OR3A2: variants seen among roughly 807,000 people sequenced by gnomAD.
OR3A2 encodes the protein olfactory receptor 3A2.
For missense variants in OR3A2, 318 were observed against 392.8 expected (o/e 0.81, Z 1.61); for synonymous variants, 126 against 159.3 (o/e 0.79, Z 1.57).
chr17:3,295,179 G>A (rs564592940), intron 3 of OR3A2, among the ~76,000 whole-genome samples: 2 of 152,122 alleles, frequency 1.3e-5, no homozygotes, highest in Admixed American at 1.3e-4. Flanking sequence ...GAGATAGGAG[G>A]ACGTATGTGT....
chr17:3,291,645 G>A, intron 3 of OR3A2: 1 of 1,597,066 alleles, frequency 6.3e-7, no homozygotes, highest in Non-Finnish European at 8.6e-7. Context: ...TCAAGCCAGT[G>A]ACCGCCTCCC....
At chr17:3,329,130 T>G (rs1021320397) in intron 3 of OR3A2, among the ~76,000 whole-genome samples, 1 of 151,878 alleles carries the variant, frequency 6.6e-6, no homozygotes, top group African/African-American at 2.4e-5. Context: ...TTATTGAGGA[T>G]TTTTGCATCA....
intron 3 of OR3A2, chr17:3,310,846 A>T: frequency 9.6e-7 from 1 of 1,036,836 alleles, no homozygotes; most frequent in Non-Finnish European, 1.4e-6. Context: ...GTGATCAATC[A>T]CTTCTACTGT....
intron 3 of OR3A2, among the ~76,000 whole-genome samples, chr17:3,300,007 G>A (rs2048949569): frequency 6.6e-6 from 1 of 151,902 alleles, no homozygotes; most frequent in Non-Finnish European, 1.5e-5. Context: ...CCACTTTGCA[G>A]AGGAGGAATT....
intron 2 of OR3A2, among the ~76,000 whole-genome samples, chr17:3,345,155 A>G (rs1003686721): frequency 4.6e-5 from 7 of 152,216 alleles, no homozygotes; most frequent in Non-Finnish European, 1.0e-4. Context: ...TAGGTAGGAC[A>G]ATAAATTCAG....
intron 2 of OR3A2, among the ~76,000 whole-genome samples, chr17:3,377,131 T>G (rs2049691819): frequency 6.6e-6 from 1 of 152,198 alleles, no homozygotes; most frequent in Non-Finnish European, 1.5e-5. Context: ...ATGTGAATTC[T>G]TTTGGTTTTG....
intron 2 of OR3A2, among the ~76,000 whole-genome samples, chr17:3,368,573 T>C (rs1297180994): frequency 6.6e-6 from 1 of 152,194 alleles, no homozygotes; most frequent in Non-Finnish European, 1.5e-5. Flanking sequence ...CTGGGTTCTC[T>C]TTTATGTTCC....
intron 3 of OR3A2, among the ~76,000 whole-genome samples, chr17:3,322,999 G>C (rs1187506899): frequency 6.6e-6 from 1 of 152,114 alleles, no homozygotes; most frequent in Non-Finnish European, 1.5e-5. Flanking sequence ...TATTGTGTGG[G>C]AGTCTAAGTC....
At chr17:3,318,375 C>A (rs1449220758) in intron 3 of OR3A2, among the ~76,000 whole-genome samples, 1 of 152,164 alleles carries the variant, frequency 6.6e-6, no homozygotes, top group East Asian at 1.9e-4. Context: ...TGGGGGAGTT[C>A]AGTACTTTTG....
intron 3 of OR3A2, among the ~76,000 whole-genome samples, chr17:3,290,273 T>A (rs921206696): frequency 6.6e-6 from 1 of 152,136 alleles, no homozygotes; most frequent in Non-Finnish European, 1.5e-5. Context: ...ATGCCCCCGC[T>A]TTCTTCCTCT....
rs143045912 is a variant in OR3A2, at chr17:3,347,392, C to T, written c.-178-11266G>A. ...TATATCTCCCAATGCTATCCCTCCCCTCTCCCCCGGCCCCACAACAGTCCC... is the reference window on the plus strand; with the variant it reads ...TATATCTCCCAATGCTATCCCTCCCTTCTCCCCCGGCCCCACAACAGTCCC... On this transcript the variant is annotated intron_variant, in intron 2 of 4. Coordinates refer to the OR3A2 transcript ENST00000573491. Among the ~76,000 whole-genome samples the T allele has an allele frequency of 5.6e-3, 855 of 152,262 alleles. 42 individuals carry two copies. In the East Asian group the frequency reaches 0.12, roughly 21 times the overall value.
chr17:3,277,815 A>G, exon 2 of OR3A2: 2 of 778,450 alleles, frequency 2.6e-6, no homozygotes, highest in Admixed American at 2.5e-5. Context: ...TGAATAAATT[A>G]TGTAGGGTTT....
intron 3 of OR3A2, among the ~76,000 whole-genome samples, chr17:3,299,198 G>T (rs1177715729): frequency 6.6e-6 from 1 of 152,202 alleles, no homozygotes; most frequent in African/African-American, 2.4e-5. Flanking sequence ...TCCAGACAGA[G>T]CGTTGTTCTC....
chr17:3,332,240 C>T (rs1432365679), intron 3 of OR3A2, among the ~76,000 whole-genome samples: 1 of 152,232 alleles, frequency 6.6e-6, no homozygotes, highest in Admixed American at 6.5e-5. Flanking sequence ...GGGCTCCACC[C>T]AGTTCGAGCT....
intron 3 of OR3A2, among the ~76,000 whole-genome samples, chr17:3,305,827 T>TA (rs2048995711): frequency 1.3e-5 from 2 of 152,338 alleles, no homozygotes; most frequent in Non-Finnish European, 2.9e-5. Flanking sequence ...TGTGGACACG[T>TA]GCATAGGAAT....
At chr17:3,321,074 C>T (rs1489704019) in intron 3 of OR3A2, among the ~76,000 whole-genome samples, 1 of 152,078 alleles carries the variant, frequency 6.6e-6, no homozygotes, top group African/African-American at 2.4e-5. Flanking sequence ...GTTTGTAGTT[C>T]TCCTTGAAGA....
At chr17:3,340,711 A>G (rs1414093605) in intron 2 of OR3A2, among the ~76,000 whole-genome samples, 4 of 149,880 alleles carry the variant, frequency 2.7e-5, no homozygotes, top group Non-Finnish European at 5.9e-5. Context: ...GAATAAGTGC[A>G]ATGTGGTGCT....
chr17:3,346,791 T>C (rs1266977696), intron 2 of OR3A2, among the ~76,000 whole-genome samples: 7 of 152,182 alleles, frequency 4.6e-5, no homozygotes, highest in South Asian at 4.1e-4. Flanking sequence ...GAACACATGA[T>C]GTTTGACTTC....
At chr17:3,339,781 C>T (rs185314319) in intron 2 of OR3A2, among the ~76,000 whole-genome samples, 16 of 152,184 alleles carry the variant, frequency 1.1e-4, no homozygotes, top group African/African-American at 3.4e-4. Context: ...ATGATGCTGG[C>T]CTCATAAAAT....
Sources: allele counts gnomAD v4.1 joint callset (sites outside exome capture counted in the v4.1 genomes callset), GRCh38; gene constraint gnomAD v4.1.1; transcripts MANE v1.5; gene names NCBI Gene and HGNC (gene_info 2026-07-23, HGNC 2026-07-21).